FAAP100: variants seen among roughly 807,000 people sequenced by gnomAD.
FAAP100 encodes FA core complex associated protein 100, also known as Fanconi anemia core complex-associated protein 100.
FAAP100 carries 46 observed loss-of-function variants against 65.8 expected under a neutral mutation model. The ratio of observed to expected loss-of-function variants is 0.70; its 90% confidence interval spans 0.55 to 0.89. The LOEUF (loss-of-function observed/expected upper bound fraction) is 0.89. Ranked by LOEUF, FAAP100 falls within the 40% of genes least tolerant of loss-of-function variation. The probability of loss-of-function intolerance (pLI) is 0.00; values close to 1 mark genes in which losing one functional copy is unlikely to be tolerated. For synonymous variants in FAAP100, 663 were observed against 555.1 expected (o/e 1.19, Z -2.73); for missense variants, 1,165 against 1,196.7 (o/e 0.97, Z 0.39).
At position 81,552,350 on chromosome 17, in the gene FAAP100, G is replaced by A. The variant is rs2143970529; in HGVS notation, c.-20C>T. 1.5e-6 allele frequency: 2 copies of A among 1,351,082 alleles called. No individual in the cohort carries two copies. 83.7% of individuals were successfully genotyped at this position (1,351,082 alleles called of 1,614,324 possible). On this transcript the variant is annotated 5_prime_UTR_variant, in exon 1 of 9. Transcript: ENST00000327787. Reference sequence around the variant, plus strand: ...GGCCATCGTGCGCGCGGGCCCGTCAGAGTGAGAAGCCCCGGCCGCGCGGCG... The same window carrying A: ...GGCCATCGTGCGCGCGGGCCCGTCAAAGTGAGAAGCCCCGGCCGCGCGGCG...
intron 6 of FAAP100, among the ~76,000 whole-genome samples, 167 bp from the exon 7 acceptor site, chr17:81,544,287 T>TG (rs1354852937): frequency 6.6e-6 from 1 of 152,190 alleles, no homozygotes; most frequent in Admixed American, 6.5e-5. Flanking sequence ...CTCAGTACCC[T>TG]GGTTTAGCTT....
intron 7 of FAAP100, among the ~76,000 whole-genome samples, chr17:81,542,092 A>G (rs61058312): frequency 0.59 from 77,097 of 131,172 alleles, 21,997 homozygotes; most frequent in South Asian, 0.68. Context: ...GCGTGAACCC[A>G]GGAGGCGGAG....
chr17:81,541,470 C>T (rs780635668), intron 7 of FAAP100, 75 bp from the exon 8 acceptor site: 1 of 1,337,390 alleles, frequency 7.5e-7, no homozygotes, highest in Non-Finnish European at 1.1e-6. Context: ...GCAGGGTGAC[C>T]CTCTCCCTCG....
intron 3 of FAAP100, 41 bp from the exon 4 acceptor site, chr17:81,549,403 G>A (rs1287011133): frequency 6.4e-7 from 1 of 1,573,708 alleles, no homozygotes. Context: ...GCGGCTGGGA[G>A]GGGCAAGCAG....
At position 81,540,258 on chromosome 17, in the gene FAAP100, G is replaced by C. The variant is rs2033033673; in HGVS notation, c.*561C>G. ...CTCCCTGCATGCTGTTTTGTGCTTTGGTCTCAGGGAGCACCCTCCTACCTC... is the reference window on the plus strand; with the variant it reads ...CTCCCTGCATGCTGTTTTGTGCTTTCGTCTCAGGGAGCACCCTCCTACCTC... On this transcript the variant is annotated 3_prime_UTR_variant, in exon 9 of 9. Transcript: ENST00000327787. 2.5e-6 allele frequency: 1 copy of C among 399,064 alleles called. No homozygotes were observed. 24.7% of individuals were successfully genotyped at this position (399,064 alleles called of 1,614,324 possible). A position where few individuals can be genotyped will look rare whatever the true frequency, so the allele number is the denominator to read the frequency against.
In FAAP100 at chr17:81,542,200, AATAT is replaced by A. The variant is rs760595551; in HGVS notation, c.2428-809_2428-806del. Among the ~76,000 whole-genome samples, 256 of 27,200 alleles carry A rather than the reference AATAT, an allele frequency of 9.4e-3. 3 individuals carry two copies. Among genetic ancestry groups the A allele is most frequent in the African/African-American group, 0.014 (92 of 6,574 alleles). The allele number at this position is 27,200 out of a possible 152,430, so 17.8% of individuals were successfully genotyped here. A position where few individuals can be genotyped will look rare whatever the true frequency, so the allele number is the denominator to read the frequency against. On this transcript the variant is annotated intron_variant, in intron 7 of 8. Coordinates refer to ENST00000327787, the MANE Select transcript of FAAP100 (RefSeq NM_025161.6). ...AAAAAAAAAAAAAAAAAAAAAAAAA[AATAT>A]ATATATATATATATATATATATATA...
At chr17:81,545,655 C>T in intron 6 of FAAP100, 91 bp downstream of exon 6, 1 of 1,469,076 alleles carries the variant, frequency 6.8e-7, no homozygotes, top group Non-Finnish European at 9.1e-7. Flanking sequence ...AGGCCCCCAC[C>T]CAGGGTGAGG....
chr17:81,549,296 G>A lies in FAAP100; in HGVS notation c.1313C>T (p.Ser438Phe), dbSNP rs1331314758. The A allele has an allele frequency of 2.5e-6, 4 of 1,613,096 alleles. No homozygotes were observed. The highest frequency in any genetic ancestry group is 1.3e-5 in the African/African-American group (1 of 74,926). The stretch of plus-strand genomic sequence containing the variant: ...CATCCTGGCTGGGCCAGGCATCTCA[G>A]AGTCCAGGTCCAGGCTGCAGGTCAT... ...RLMTCSLDLD[S>F]EMPGPARMTT... Residue 438 changes from serine (S) to phenylalanine (F), a missense_variant, in exon 4 of 9, where the codon TCT becomes TTT. Physicochemically the swap from Ser to Phe is radical, Grantham distance 155. Coordinates refer to ENST00000327787, the MANE Select transcript of FAAP100 (RefSeq NM_025161.6).
intron 7 of FAAP100, 94 bp from the exon 8 acceptor site, chr17:81,541,489 G>A: frequency 1.8e-6 from 2 of 1,110,194 alleles, no homozygotes; most frequent in Non-Finnish European, 2.7e-6. Flanking sequence ...CGAGCTGCCT[G>A]GTGCTGCCTC....
rs1002477991 is a variant in FAAP100, at chr17:81,540,075, C to G, written c.*744G>C. The G allele has an allele frequency of 4.0e-4, 137 of 341,010 alleles. No homozygotes were observed. Among genetic ancestry groups the G allele is most frequent in the African/African-American group, 2.8e-3 (105 of 37,530 alleles). The allele number at this position is 341,010 out of a possible 1,614,324, so 21.1% of individuals were successfully genotyped here. A position where few individuals can be genotyped will look rare whatever the true frequency, so the allele number is the denominator to read the frequency against. ...AGGCTGGGGGCTGGGGCTCAGGGCCCCCCCCCGGGCCACAGCGCCACCCTG... is the reference window on the plus strand; with the variant it reads ...AGGCTGGGGGCTGGGGCTCAGGGCCGCCCCCCGGGCCACAGCGCCACCCTG... On this transcript the variant is annotated 3_prime_UTR_variant, in exon 9 of 9. Coordinates refer to ENST00000327787, the MANE Select transcript of FAAP100 (RefSeq NM_025161.6).
chr17:81,552,497 G>C (rs2033536659), upstream of FAAP100: 3 of 569,636 alleles, frequency 5.3e-6, no homozygotes, highest in Non-Finnish European at 7.8e-6. Context: ...GGGAGCTGGG[G>C]CGGTCGCTGG....
intron 6 of FAAP100, among the ~76,000 whole-genome samples, chr17:81,545,422 G>A (rs1414715925): frequency 1.3e-5 from 2 of 152,238 alleles, no homozygotes; most frequent in East Asian, 3.8e-4. Flanking sequence ...GAGGGTTAGC[G>A]GGGCTGCTGC....
In FAAP100 at chr17:81,547,238, G is replaced by C; in HGVS notation, c.1844C>G (p.Ala615Gly). The change falls in exon 5 of 9, where the codon GCC (alanine) becomes GGC (glycine). Residue 615 changes from alanine (A) to glycine (G), a missense_variant. Physicochemically the swap from Ala to Gly is moderately conservative, Grantham distance 60 (BLOSUM62 0). Coordinates refer to ENST00000327787, the MANE Select transcript of FAAP100 (RefSeq NM_025161.6). ...SLREVVGGAL[A>G]PSDSEDPFLD... ...AAAGGGGTCCTCAGAGTCTGAGGGG[G>C]CAAGGGCCCCGCCCACCACCTCCCT... 6.3e-7 allele frequency: 1 copy of C among 1,586,172 alleles called. No homozygotes were observed. Among genetic ancestry groups the C allele is most frequent in the Admixed American group, 1.7e-5 (1 of 58,752 alleles).
In FAAP100 at chr17:81,551,178, T is replaced by C. The variant is rs61745255; in HGVS notation, c.316A>G (p.Ser106Gly). 8,806 of 1,532,304 alleles carry C rather than the reference T, an allele frequency of 5.7e-3. 828 individuals are homozygous for C. In the Admixed American group the frequency reaches 0.16, roughly 28 times the overall value. The allele number at this position is 1,532,304 out of a possible 1,614,324, so 94.9% of individuals were successfully genotyped here. A position where few individuals can be genotyped will look rare whatever the true frequency, so the allele number is the denominator to read the frequency against. Residue 106 changes from serine to glycine, a missense_variant, in exon 3 of 9, where the codon AGC becomes GGC. By Grantham distance (56) the Ser-to-Gly change is moderately conservative. Transcript: ENST00000327787. ...GGGGAAGGCTGGTCACCGTCCTCGC[T>C]GTCCCTGTCATCCTGGCTCGTAGAC... ...SRSTSQDDRD[S>G]EDGDQPSPVI...
Position 81,547,060 on chromosome 17 carries a change from G to C in FAAP100, c.2022C>G (p.Asp674Glu). Residue 674 changes from aspartate to glutamate, a missense_variant, in exon 5 of 9, where the codon GAC becomes GAG. Asp to Glu is a conservative substitution (Grantham distance 45, BLOSUM62 2). Coordinates refer to ENST00000327787, the MANE Select transcript of FAAP100 (RefSeq NM_025161.6). ...RAPSPLGPTRDPVATFLETCR... is the reference protein window; with the variant it reads ...RAPSPLGPTREPVATFLETCR... The stretch of plus-strand genomic sequence containing the variant: ...AAGTTTCCAGAAAAGTGGCCACAGG[G>C]TCTCGGGTGGGGCCGAGTGGGGAGG... 1.9e-6 allele frequency: 3 copies of C among 1,555,736 alleles called. No individual in the cohort carries two copies. Among genetic ancestry groups the C allele is most frequent in the Non-Finnish European group, 2.6e-6 (3 of 1,151,150 alleles).
intron 7 of FAAP100, among the ~76,000 whole-genome samples, chr17:81,542,850 C>A (rs1384687486): frequency 6.6e-6 from 1 of 152,240 alleles, no homozygotes; most frequent in Non-Finnish European, 1.5e-5. Context: ...CTGCTCTTGG[C>A]AGGGGATGGG....
intron 7 of FAAP100, among the ~76,000 whole-genome samples, chr17:81,543,110 G>A (rs1477793958): frequency 6.6e-6 from 1 of 152,236 alleles, no homozygotes; most frequent in Non-Finnish European, 1.5e-5. Flanking sequence ...GGTGCTGCGT[G>A]AGTTGATGTG....
intron 2 of FAAP100, 47 bp from the exon 3 acceptor site, chr17:81,551,250 C>T: frequency 6.9e-7 from 1 of 1,454,360 alleles, no homozygotes; most frequent in Admixed American, 2.4e-5. Flanking sequence ...GGGTGGGATT[C>T]CCACGTTCTC....
intron 5 of FAAP100, chr17:81,546,609 G>A (rs1029910940): frequency 9.0e-5 from 31 of 344,060 alleles, no homozygotes; most frequent in African/African-American, 4.8e-4. Flanking sequence ...GAACGCAGGC[G>A]AAGCTCATTT....
Sources: allele counts gnomAD v4.1 joint callset (sites outside exome capture counted in the v4.1 genomes callset), GRCh38; gene constraint gnomAD v4.1.1; transcripts MANE v1.5; gene names NCBI Gene and HGNC (gene_info 2026-07-23, HGNC 2026-07-21).